The following IGDCC3 variants were observed in gnomAD, a reference collection of about 807,000 sequenced individuals.
The protein encoded by IGDCC3 is immunoglobulin superfamily DCC subclass member 3.
In IGDCC3, 47 loss-of-function variants were observed where a neutral mutation model predicts 72.0. The observed-to-expected ratio is 0.65, with a 90% CI of 0.52 to 0.83. IGDCC3 has a LOEUF of 0.83. Among genes scored for constraint, IGDCC3 ranks in the 40% least tolerant of loss-of-function variants. The pLI is 0.00. For missense variants in IGDCC3, 1,038 were observed against 1,091.3 expected (o/e 0.95, Z 0.69); for synonymous variants, 477 against 472.8 (o/e 1.01, Z -0.11).
chr15:65,355,968 A>G (rs1330215490), intron 2 of IGDCC3: 2 of 265,122 alleles, frequency 7.5e-6, no homozygotes, highest in Non-Finnish European at 1.6e-5. Flanking sequence ...TAGGCCCTTC[A>G]CCTTCCGTGG....
intron 2 of IGDCC3, among the ~76,000 whole-genome samples, chr15:65,357,767 C>T (rs1375177593): frequency 2.0e-5 from 3 of 152,208 alleles, no homozygotes; most frequent in Admixed American, 6.5e-5. Context: ...CTTTATAACT[C>T]TCCTAAATGT....
intron 2 of IGDCC3, among the ~76,000 whole-genome samples, chr15:65,371,150 G>C (rs1193746808): frequency 6.6e-6 from 1 of 152,334 alleles, no homozygotes; most frequent in South Asian, 2.1e-4. Context: ...GAGACACCTG[G>C]GACCTCATCC....
At position 65,372,418 on chromosome 15, in the gene IGDCC3, G is replaced by A. The variant is rs532297791; in HGVS notation, c.409+2679C>T. 1.1e-4 allele frequency among the ~76,000 whole-genome samples: 17 copies of A among 152,312 alleles called. No individual in the cohort carries two copies. The South Asian group carries it at 3.5e-3, about 32-fold the overall frequency. On this transcript the variant is annotated intron_variant, in intron 2 of 13. Coordinates refer to ENST00000327987, the MANE Select transcript of IGDCC3 (RefSeq NM_004884.4). Reference sequence around the variant, plus strand: ...GCCTGAGCTATTCCATTCTAAAAGGGAAACGCTTGAAACTGAAGCCCCAAG... The same window carrying A: ...GCCTGAGCTATTCCATTCTAAAAGGAAAACGCTTGAAACTGAAGCCCCAAG...
chr15:65,340,053 G>A (rs1206184926), intron 2 of IGDCC3, among the ~76,000 whole-genome samples: 1 of 152,188 alleles, frequency 6.6e-6, no homozygotes, highest in African/African-American at 2.4e-5. Context: ...CCAGAGGTGC[G>A]ACCAGGCTGA....
chr15:65,337,308 G>A (rs932073295), intron 2 of IGDCC3, among the ~76,000 whole-genome samples: 1 of 152,212 alleles, frequency 6.6e-6, no homozygotes, highest in African/African-American at 2.4e-5. Context: ...GGCCTCCTGG[G>A]AGTGTGTCTG....
Position 65,375,349 on chromosome 15 carries a change from C to T in IGDCC3, c.157G>A (p.Ala53Thr), listed in dbSNP as rs1458691061. ...AFAVEPSDDVAVPGQPIVLDC... is the reference protein window; with the variant it reads ...AFAVEPSDDVTVPGQPIVLDC... ...AGCACTATAGGCTGCCCGGGGACGG[C>T]AACATCATCACTTGGCTCCACAGCA... The change falls in exon 2 of 14, where the codon GCC becomes ACC. Residue 53 changes from alanine (A) to threonine (T), a missense_variant. Physicochemically the swap from Ala to Thr is moderately conservative, Grantham distance 58. Transcript: ENST00000327987. The T allele has an allele frequency of 6.2e-7, 1 of 1,610,836 alleles. No individual in the cohort carries two copies. Among genetic ancestry groups the T allele is most frequent in the East Asian group, 2.2e-5 (1 of 44,742 alleles).
intron 2 of IGDCC3, among the ~76,000 whole-genome samples, chr15:65,372,974 C>G (rs1465369049): frequency 6.6e-6 from 1 of 152,158 alleles, no homozygotes; most frequent in Admixed American, 6.5e-5. Context: ...GGCAAACCCC[C>G]CAGCTGTCTC....
intron 9 of IGDCC3, 85 bp from the exon 10 acceptor site, chr15:65,330,826 A>G: frequency 8.0e-7 from 1 of 1,250,632 alleles, no homozygotes; most frequent in Non-Finnish European, 1.1e-6. Flanking sequence ...CGACCCCCAA[A>G]AGCCTGACAG....
In IGDCC3 at chr15:65,342,699, C is replaced by G. The variant is rs187075019; in HGVS notation, c.410-6743G>C. 4.3e-4 allele frequency among the ~76,000 whole-genome samples: 65 copies of G among 152,328 alleles called. 1 individual carries two copies. The Middle Eastern group carries it at 0.01, about 24-fold the overall frequency. On this transcript the variant is annotated intron_variant, in intron 2 of 13. Coordinates refer to ENST00000327987, the MANE Select transcript of IGDCC3 (RefSeq NM_004884.4). Reference sequence around the variant, plus strand: ...AGCCTTGCCCTTGCCTGCACTCCCCCCTCTTGGCCACGTGGACTCAGAGAC... The same window carrying G: ...AGCCTTGCCCTTGCCTGCACTCCCCGCTCTTGGCCACGTGGACTCAGAGAC...
intron 2 of IGDCC3, among the ~76,000 whole-genome samples, chr15:65,351,564 G>A (rs575881502): frequency 4.0e-5 from 6 of 151,430 alleles, no homozygotes; most frequent in East Asian, 1.9e-4. Flanking sequence ...CTTACCTTAC[G>A]GTTAAACATT....
intron 2 of IGDCC3, among the ~76,000 whole-genome samples, chr15:65,340,052 C>T (rs1174038620): frequency 2.6e-5 from 4 of 152,148 alleles, no homozygotes; most frequent in East Asian, 1.9e-4. Context: ...ACCAGAGGTG[C>T]GACCAGGCTG....
chr15:65,330,163 C>T (rs2090963318), intron 11 of IGDCC3, 130 bp downstream of exon 11: 2 of 749,596 alleles, frequency 2.7e-6, no homozygotes, highest in Non-Finnish European at 4.6e-6. Context: ...GTCACACAGC[C>T]AGCATGTGCA....
At chr15:65,337,558 T>A (rs1468797050) in intron 2 of IGDCC3, among the ~76,000 whole-genome samples, 1 of 152,018 alleles carries the variant, frequency 6.6e-6, no homozygotes, top group Admixed American at 6.5e-5. Flanking sequence ...TCAGGCTTGG[T>A]GAGAGGATCC....
intron 2 of IGDCC3, among the ~76,000 whole-genome samples, chr15:65,344,852 G>T (rs544840109): frequency 1.3e-5 from 2 of 152,112 alleles, no homozygotes; most frequent in African/African-American, 4.8e-5. Flanking sequence ...CAGGAAGGGC[G>T]CCTGCCTTAG....
Position 65,330,287 on chromosome 15 carries a change from C to G in IGDCC3, c.1858+6G>C. 1 of 1,605,058 alleles carries G rather than the reference C, an allele frequency of 6.2e-7. No individual in the cohort carries two copies. The highest frequency in any genetic ancestry group is 8.5e-7 in the Non-Finnish European group (1 of 1,172,752). Reference sequence around the variant, plus strand: ...CTCAGCCCCGCACTCCATCCCCAGCCCTCACCTGTCCTCTCAGATGCTCCC... The same window carrying G: ...CTCAGCCCCGCACTCCATCCCCAGCGCTCACCTGTCCTCTCAGATGCTCCC... On this transcript the variant is annotated splice_donor_region_variant and intron_variant, in intron 11 of 13. Transcript: ENST00000327987.
At chr15:65,351,444 G>A (rs1286187908) in intron 2 of IGDCC3, among the ~76,000 whole-genome samples, 2 of 150,904 alleles carry the variant, frequency 1.3e-5, no homozygotes, top group Admixed American at 1.3e-4. Flanking sequence ...TGAGGCAGGA[G>A]AATGGTGTGA....
rs1472385429 is a variant in IGDCC3 at position 65,333,373 on chromosome 15, G to C, written c.866C>G (p.Thr289Arg). 3.1e-6 allele frequency: 5 copies of C among 1,611,180 alleles called. No homozygotes were observed. Among genetic ancestry groups the C allele is most frequent in the African/African-American group, 1.3e-5 (1 of 74,798 alleles). Residue 289 changes from threonine (T) to arginine (R), a missense_variant, in exon 6 of 14, where the codon ACA (threonine) becomes AGA (arginine). Coordinates refer to ENST00000327987, the MANE Select transcript of IGDCC3 (RefSeq NM_004884.4). ...IGVEGIQVLGTGNLIISDVTV... is the reference protein window; with the variant it reads ...IGVEGIQVLGRGNLIISDVTV... ...CACGTCTGAGATGATGAGGTTTCCT[G>C]TGCCCAGCACCTGGATGCCCTCCAC...
At chr15:65,338,141 A>G (rs2091046972) in intron 2 of IGDCC3, among the ~76,000 whole-genome samples, 1 of 152,156 alleles carries the variant, frequency 6.6e-6, no homozygotes, top group Non-Finnish European at 1.5e-5. Flanking sequence ...GGTCACAGGT[A>G]TGGAGCCAGT....
chr15:65,359,408 G>A (rs1385688402), intron 2 of IGDCC3, among the ~76,000 whole-genome samples: 1 of 152,112 alleles, frequency 6.6e-6, no homozygotes, highest in Non-Finnish European at 1.5e-5. Context: ...AGCCTGGCCT[G>A]TGAGCTCTTC....
Sources: gnomAD v4.1 joint callset for allele counts (sites outside exome capture counted in the v4.1 genomes callset) on GRCh38, gnomAD v4.1.1 for gene constraint, MANE v1.5 for transcripts, NCBI Gene and HGNC (gene_info 2026-07-23, HGNC 2026-07-21) for gene names.